Variants in TVP23A observed in about 807,000 individuals in gnomAD.
TVP23A encodes the protein Golgi apparatus membrane protein TVP23 homolog A.
In TVP23A, 21 loss-of-function variants were observed where a neutral mutation model predicts 31.7. The observed-to-expected ratio is 0.66, with a 90% CI of 0.47 to 0.95. The LOEUF (loss-of-function observed/expected upper bound fraction) is 0.95. Among genes scored for constraint, TVP23A ranks in the 40% least tolerant of loss-of-function variants. The probability of loss-of-function intolerance (pLI) is 0.00; values close to 1 mark genes in which losing one functional copy is unlikely to be tolerated. For missense variants in TVP23A, 279 were observed against 255.6 expected (o/e 1.09, Z -0.62); for synonymous variants, 104 against 96.0 (o/e 1.08, Z -0.49).
chr16:10,758,057 C>G, downstream of TVP23A: 1 of 1,607,592 alleles, frequency 6.2e-7, no homozygotes, highest in Non-Finnish European at 8.5e-7. Context: ...GAGCTGGGTC[C>G]AAACTGTGCT....
At chr16:10,799,796 G>T (rs2033602946) in intron 2 of TVP23A, among the ~76,000 whole-genome samples, 1 of 152,162 alleles carries the variant, frequency 6.6e-6, no homozygotes. Flanking sequence ...AGACCATGAG[G>T]ACAGCTGTAC....
intron 2 of TVP23A, among the ~76,000 whole-genome samples, chr16:10,780,742 T>G (rs1444272746): frequency 6.6e-6 from 1 of 152,068 alleles, no homozygotes; most frequent in Non-Finnish European, 1.5e-5. Flanking sequence ...GGGTGGTACA[T>G]AAAAGTGCCT....
rs763085461 is a variant in TVP23A at position 10,818,474 on chromosome 16, C to T, written c.9+11G>A. 10 of 1,604,806 alleles carry T rather than the reference C, an allele frequency of 6.2e-6. No individual in the cohort carries two copies. The African/African-American group carries it at 9.4e-5, about 15-fold the overall frequency. ...GCCCCGCCTCCAGCCCCAGCATCCCCGAGGCCCTACCTGCTTCATCACCCT... is the reference window on the plus strand; with the variant it reads ...GCCCCGCCTCCAGCCCCAGCATCCCTGAGGCCCTACCTGCTTCATCACCCT... On this transcript the variant is annotated intron_variant, in intron 1 of 7. Coordinates refer to ENST00000299866, the MANE Select transcript of TVP23A (RefSeq NM_001079512.4). This position sits in a 1 kb window ranked among gnomAD's most constrained non-coding sequence, Gnocchi z 4.7.
At chr16:10,759,509 C>T (rs1046899649), downstream of TVP23A, among the ~76,000 whole-genome samples, 2 of 152,190 alleles carry the variant, frequency 1.3e-5, no homozygotes, top group African/African-American at 4.8e-5. This position sits in a 1 kb window ranked among gnomAD's most constrained non-coding sequence, Gnocchi z 4.7. Flanking sequence ...CACACTGGCT[C>T]ATGTCTGTAA....
chr16:10,810,896 A>G (rs1486134605), intron 2 of TVP23A, among the ~76,000 whole-genome samples: 1 of 152,184 alleles, frequency 6.6e-6, no homozygotes, highest in Non-Finnish European at 1.5e-5. Flanking sequence ...TGGATGGCAG[A>G]TCGTGGGACT....
Position 10,818,609 on chromosome 16 carries a change from G to A in TVP23A, c.-116C>T, listed in dbSNP as rs2034550951. Reference sequence around the variant, plus strand: ...TAGGCAGCAGACGGTGGACGCTGAGGGTCGGGGCCTGCGCCCTGTGGGGCA... The same window carrying A: ...TAGGCAGCAGACGGTGGACGCTGAGAGTCGGGGCCTGCGCCCTGTGGGGCA... On this transcript the variant is annotated 5_prime_UTR_variant, in exon 1 of 8. Coordinates refer to ENST00000299866, the MANE Select transcript of TVP23A (RefSeq NM_001079512.4). This position sits in a 1 kb window ranked among gnomAD's most constrained non-coding sequence, Gnocchi z 4.7. 3.0e-6 allele frequency: 4 copies of A among 1,344,576 alleles called. No individual in the cohort carries two copies. Among genetic ancestry groups the A allele is most frequent in the Non-Finnish European group, 4.0e-6 (4 of 1,006,484 alleles). The allele number at this position is 1,344,576 out of a possible 1,614,324, so 83.3% of individuals were successfully genotyped here. A position where few individuals can be genotyped will look rare whatever the true frequency, so the allele number is the denominator to read the frequency against.
chr16:10,786,735 CCTGGTG>C (rs1226834994), intron 2 of TVP23A, among the ~76,000 whole-genome samples: 334 of 4,128 alleles, frequency 0.081, 2 homozygotes, highest in African/African-American at 0.24. Flanking sequence ...GCATTGGGAA[CCTGGTG>C]ATGACTGGGG....
chr16:10,762,777 A>G (rs2030168850), downstream of TVP23A, among the ~76,000 whole-genome samples: 1 of 149,730 alleles, frequency 6.7e-6, no homozygotes, highest in Admixed American at 6.6e-5. Context: ...CGGGCGGGTG[A>G]AGTATGGCCT....
At chr16:10,812,533 A>T (rs969398791) in intron 2 of TVP23A, among the ~76,000 whole-genome samples, 2 of 152,246 alleles carry the variant, frequency 1.3e-5, no homozygotes, top group African/African-American at 4.8e-5. Flanking sequence ...TCAACAAAAC[A>T]TAGTTTATTC....
chr16:10,765,572 G>A (rs1297134952), downstream of TVP23A, among the ~76,000 whole-genome samples: 1 of 152,152 alleles, frequency 6.6e-6, no homozygotes, highest in Non-Finnish European at 1.5e-5. The surrounding 1 kb of genome is among the most constrained non-coding windows in gnomAD (Gnocchi z 4.0). Flanking sequence ...CCCAGCCACA[G>A]GCCTGCCCTT....
chr16:10,806,000 A>T (rs2033924342), intron 2 of TVP23A, among the ~76,000 whole-genome samples: 1 of 152,150 alleles, frequency 6.6e-6, no homozygotes, highest in Non-Finnish European at 1.5e-5. Context: ...AGGACAGATA[A>T]TGACCTGGCC....
downstream of TVP23A, among the ~76,000 whole-genome samples, chr16:10,758,430 G>A (rs1157450302): frequency 6.6e-6 from 1 of 152,174 alleles, no homozygotes; most frequent in Non-Finnish European, 1.5e-5. Context: ...CCATGATCAC[G>A]CCAGTGCAGT....
At chr16:10,786,112 G>A (rs1322289332) in intron 2 of TVP23A, among the ~76,000 whole-genome samples, 1 of 152,214 alleles carries the variant, frequency 6.6e-6, no homozygotes, top group Non-Finnish European at 1.5e-5. Context: ...TTATCTCAGT[G>A]AGCAGGGGAG....
At chr16:10,778,582 ATTTG>A (rs2032222208) in intron 2 of TVP23A, among the ~76,000 whole-genome samples, 1 of 151,790 alleles carries the variant, frequency 6.6e-6, no homozygotes, top group Admixed American at 6.6e-5. Flanking sequence ...CCGCAAACAT[ATTTG>A]TTATGTTGAA....
chr16:10,765,415 C>T (rs139569346), downstream of TVP23A, among the ~76,000 whole-genome samples: 36 of 151,226 alleles, frequency 2.4e-4, no homozygotes, highest in Non-Finnish European at 3.8e-4. The surrounding 1 kb of genome is among the most constrained non-coding windows in gnomAD (Gnocchi z 4.0). Context: ...GCTGAGTTAG[C>T]AGGATCACTT....
intron 2 of TVP23A, among the ~76,000 whole-genome samples, chr16:10,813,005 C>T (rs2034272284): frequency 6.6e-6 from 1 of 152,114 alleles, no homozygotes; most frequent in African/African-American, 2.4e-5. Flanking sequence ...TGTGGAATCA[C>T]ACCCTCCACT....
chr16:10,791,941 C>A (rs1358154752), intron 2 of TVP23A, among the ~76,000 whole-genome samples: 2 of 152,210 alleles, frequency 1.3e-5, no homozygotes, highest in African/African-American at 4.8e-5. Context: ...CAGTAAGAAG[C>A]AAACAACATG....
chr16:10,768,109 G>A lies in TVP23A; in HGVS notation c.*993C>T. Reference sequence around the variant, plus strand: ...CATAAAGGAGCCAGGGGTGTGGAAGGACAGGTGGGTGGTGGGGTCTGTGAT... The same window carrying A: ...CATAAAGGAGCCAGGGGTGTGGAAGAACAGGTGGGTGGTGGGGTCTGTGAT... On this transcript the variant is annotated 3_prime_UTR_variant, in exon 8 of 8. Transcript: ENST00000299866. The surrounding 1 kb of genome is among the most constrained non-coding windows in gnomAD (Gnocchi z 4.3). 2.9e-6 allele frequency: 4 copies of A among 1,399,424 alleles called. No homozygotes were observed. Among genetic ancestry groups the A allele is most frequent in the South Asian group, 1.2e-5 (1 of 86,674 alleles). The allele number at this position is 1,399,424 out of a possible 1,614,324, so 86.7% of individuals were successfully genotyped here.
intron 2 of TVP23A, among the ~76,000 whole-genome samples, chr16:10,795,586 T>C (rs2033344182): frequency 6.6e-6 from 1 of 152,104 alleles, no homozygotes; most frequent in Non-Finnish European, 1.5e-5. Flanking sequence ...ATTGCTCACC[T>C]CATGGAAGAC....
Sources: allele counts gnomAD v4.1 joint callset (sites outside exome capture counted in the v4.1 genomes callset), GRCh38; gene constraint gnomAD v4.1.1; non-coding constraint Gnocchi (gnomAD v3.1); transcripts MANE v1.5; gene names NCBI Gene and HGNC (gene_info 2026-07-23, HGNC 2026-07-21).